FRMD5: variants seen among roughly 807,000 people sequenced by gnomAD.
FRMD5 encodes FERM domain containing 5.
FRMD5 carries 20 observed loss-of-function variants against 69.0 expected under a neutral mutation model. The ratio of observed to expected loss-of-function variants is 0.29; its 90% CI spans 0.20 to 0.42. FRMD5 has a LOEUF of 0.42. Ranked by LOEUF, FRMD5 falls within the 10% of genes least tolerant of loss-of-function variation. The pLI is 1.00. For synonymous variants in FRMD5, 271 were observed against 260.1 expected, an observed-to-expected ratio of 1.04 and a Z score of -0.40; for missense variants, 595 against 708.6, an observed-to-expected ratio of 0.84 and a Z score of 1.82.
intron 1 of FRMD5, among the ~76,000 whole-genome samples, chr15:44,005,246 C>T (rs1477114637): frequency 6.6e-6 from 1 of 152,050 alleles, no homozygotes; most frequent in East Asian, 1.9e-4. Context: ...TTTGCGAGGC[C>T]AAGGCAGGCA....
rs1595479747 is a variant in FRMD5 at position 43,884,457 on chromosome 15, T to C, written c.1028+270A>G. ...TTGTGTGACACATCTATGATCAGTG[T>C]CAAGACTAGGGAGGGCAGAAGAGAA... On this transcript the variant is annotated intron_variant, in intron 12 of 13. Coordinates refer to ENST00000417257, the MANE Select transcript of FRMD5 (RefSeq NM_032892.5). 5.9e-5 allele frequency among the ~76,000 whole-genome samples: 9 copies of C among 152,266 alleles called. No homozygotes were observed. In the South Asian group the frequency reaches 1.7e-3, roughly 28 times the overall value.
chr15:44,079,248 C>CA lies in FRMD5; in HGVS notation c.102+115704dup, dbSNP rs200605338. 6.9e-3 allele frequency among the ~76,000 whole-genome samples: 1,047 copies of CA among 150,692 alleles called. 14 individuals are homozygous for CA. Among genetic ancestry groups the CA allele is most frequent in the East Asian group, 0.034 (173 of 5,144 alleles). On this transcript the variant is annotated intron_variant, in intron 1 of 13. Coordinates refer to ENST00000417257, the MANE Select transcript of FRMD5 (RefSeq NM_032892.5). ...TCACACCTATTTGGATGACTATTAT[C>CA]AAAAAAAAACCCAAAACAAGGTAAC...
chr15:44,045,453 T>C (rs1024644300), intron 1 of FRMD5, among the ~76,000 whole-genome samples: 20 of 152,096 alleles, frequency 1.3e-4, no homozygotes, highest in Non-Finnish European at 2.2e-4. Flanking sequence ...AAATGATTCA[T>C]ACCAAAAGGC....
intron 1 of FRMD5, among the ~76,000 whole-genome samples, chr15:43,976,452 C>T (rs761567915): frequency 2.2e-4 from 33 of 151,978 alleles, no homozygotes; most frequent in Admixed American, 7.2e-4. Context: ...AAACAAGCAA[C>T]GCAATTTTTT....
intron 1 of FRMD5, among the ~76,000 whole-genome samples, chr15:44,169,964 C>T (rs1595550835): frequency 6.6e-6 from 1 of 152,164 alleles, no homozygotes; most frequent in Non-Finnish European, 1.5e-5. Context: ...CTACTACATA[C>T]TCTTTTGTTC....
intron 1 of FRMD5, among the ~76,000 whole-genome samples, chr15:44,030,297 C>T (rs1891624485): frequency 6.6e-6 from 1 of 151,852 alleles, no homozygotes; most frequent in Admixed American, 6.6e-5. Context: ...AATCCCATAC[C>T]CAGAGTCAGA....
At chr15:44,033,510 A>G (rs936610907) in intron 1 of FRMD5, among the ~76,000 whole-genome samples, 1 of 152,226 alleles carries the variant, frequency 6.6e-6, no homozygotes, top group Non-Finnish European at 1.5e-5. Flanking sequence ...TATAGCATAA[A>G]TGAACTTAAT....
chr15:44,073,891 C>G (rs1282118343), intron 1 of FRMD5, among the ~76,000 whole-genome samples: 1 of 152,122 alleles, frequency 6.6e-6, no homozygotes, highest in Non-Finnish European at 1.5e-5. Context: ...TATGTAATGA[C>G]ATTATATATA....
chr15:43,997,306 C>T (rs74899811), intron 1 of FRMD5, among the ~76,000 whole-genome samples: 32 of 152,292 alleles, frequency 2.1e-4, no homozygotes, highest in African/African-American at 6.7e-4. Context: ...CTGTTCTCTG[C>T]GCACTCCTCT....
At chr15:43,914,406 CAG>C (rs1372948956) in intron 4 of FRMD5, among the ~76,000 whole-genome samples, 1 of 152,148 alleles carries the variant, frequency 6.6e-6, no homozygotes, top group Non-Finnish European at 1.5e-5. Flanking sequence ...TCCTTGAAGT[CAG>C]AGACTATGTT....
chr15:43,960,873 GA>G (rs900364849), intron 1 of FRMD5, among the ~76,000 whole-genome samples: 80 of 152,266 alleles, frequency 5.3e-4, no homozygotes, highest in African/African-American at 1.7e-3. Flanking sequence ...TAGACAAATT[GA>G]AGTCTAATCT....
intron 1 of FRMD5, among the ~76,000 whole-genome samples, chr15:44,188,566 G>C (rs551274614): frequency 1.6e-4 from 25 of 152,216 alleles, no homozygotes; most frequent in Admixed American, 1.4e-3. Flanking sequence ...GTCTGGGATG[G>C]GGTCAAGAAT....
intron 1 of FRMD5, among the ~76,000 whole-genome samples, chr15:44,057,152 T>C (rs1376115239): frequency 2.0e-5 from 3 of 148,764 alleles, no homozygotes; most frequent in Non-Finnish European, 3.0e-5. Context: ...TTTTTTTTTT[T>C]CTCACTCTGT....
At chr15:44,038,867 T>C (rs1212096355) in intron 1 of FRMD5, among the ~76,000 whole-genome samples, 2 of 152,114 alleles carry the variant, frequency 1.3e-5, no homozygotes, top group Admixed American at 6.6e-5. Context: ...CGGCAGACCA[T>C]GAAATTCCCT....
intron 1 of FRMD5, among the ~76,000 whole-genome samples, chr15:44,050,519 C>T (rs891656541): frequency 7.5e-6 from 1 of 134,054 alleles, no homozygotes; most frequent in African/African-American, 2.7e-5. Flanking sequence ...TGCCACCATG[C>T]CTGGCTCCCT....
chr15:43,976,699 T>C (rs1391700898), intron 1 of FRMD5, among the ~76,000 whole-genome samples: 4 of 152,196 alleles, frequency 2.6e-5, no homozygotes, highest in African/African-American at 9.7e-5. Context: ...GGAGTTTTGC[T>C]CTTGTCGCCC....
intron 1 of FRMD5, among the ~76,000 whole-genome samples, chr15:44,061,715 G>A (rs928710509): frequency 1.3e-5 from 2 of 152,170 alleles, no homozygotes; most frequent in African/African-American, 4.8e-5. Flanking sequence ...GCTGGGGTGG[G>A]TGGTTATGAA....
At chr15:44,079,257 A>G (rs1002270499) in intron 1 of FRMD5, among the ~76,000 whole-genome samples, 1 of 152,136 alleles carries the variant, frequency 6.6e-6, no homozygotes, top group Admixed American at 6.6e-5. Flanking sequence ...TCAAAAAAAA[A>G]CCCAAAACAA....
intron 1 of FRMD5, among the ~76,000 whole-genome samples, chr15:44,123,651 A>G (rs1210727072): frequency 6.6e-6 from 1 of 152,188 alleles, no homozygotes; most frequent in Non-Finnish European, 1.5e-5. Flanking sequence ...AAAACTGACA[A>G]AAGTTTCTTG....
Sources: allele counts gnomAD v4.1 joint callset (sites outside exome capture counted in the v4.1 genomes callset), GRCh38; gene constraint gnomAD v4.1.1; transcripts MANE v1.5; gene names NCBI Gene and HGNC (gene_info 2026-07-23, HGNC 2026-07-21).